UNC13C: variants seen among roughly 807,000 people sequenced by gnomAD.
UNC13C encodes the protein unc-13 homolog C.
Under a neutral mutation model 245.4 loss-of-function variants are expected in UNC13C, and 174 were observed. The ratio of observed to expected loss-of-function variants is 0.71; its 90% CI spans 0.63 to 0.80. The LOEUF is 0.80. Among genes scored for constraint, UNC13C ranks in the 30% least tolerant of loss-of-function variants. The pLI, the probability that UNC13C is intolerant of heterozygous loss-of-function variation, is 0.00. For missense variants in UNC13C, 2,829 were observed against 2,602.9 expected, an observed-to-expected ratio of 1.09 and a Z score of -1.89; for synonymous variants, 992 against 895.1, an observed-to-expected ratio of 1.11 and a Z score of -1.93.
intron 2 of UNC13C, among the ~76,000 whole-genome samples, chr15:54,053,834 C>T (rs1326915543): frequency 6.6e-6 from 1 of 152,122 alleles, no homozygotes; most frequent in Non-Finnish European, 1.5e-5. Flanking sequence ...TACTCTCTAT[C>T]TCCATGCGTT....
intron 2 of UNC13C, among the ~76,000 whole-genome samples, chr15:54,018,125 C>T (rs1249461188): frequency 6.6e-6 from 1 of 152,116 alleles, no homozygotes; most frequent in Non-Finnish European, 1.5e-5. Context: ...GAAGGACAGC[C>T]AAAGAAGGAC....
At chr15:54,456,646 A>G (rs955614049) in intron 19 of UNC13C, among the ~76,000 whole-genome samples, 2 of 149,196 alleles carry the variant, frequency 1.3e-5, no homozygotes, top group African/African-American at 4.9e-5. Flanking sequence ...AGTTGTTGCA[A>G]AAGGGTTTGA....
At chr15:54,547,064 C>T (rs950236192) in intron 27 of UNC13C, among the ~76,000 whole-genome samples, 1 of 152,156 alleles carries the variant, frequency 6.6e-6, no homozygotes, top group African/African-American at 2.4e-5. Flanking sequence ...ACAGTCAGAA[C>T]TTAACCTCTT....
At chr15:54,275,477 A>G (rs189673622) in intron 10 of UNC13C, among the ~76,000 whole-genome samples, 166 of 152,184 alleles carry the variant, frequency 1.1e-3, no homozygotes, top group African/African-American at 3.8e-3. Context: ...TTATAATTGT[A>G]TATGATATAG....
chr15:54,591,530 G>T (rs2141255581), intron 30 of UNC13C, among the ~76,000 whole-genome samples: 1 of 152,044 alleles, frequency 6.6e-6, no homozygotes, highest in South Asian at 2.1e-4. Flanking sequence ...GTTGTATTTT[G>T]CCAGGAATTT....
intron 19 of UNC13C, among the ~76,000 whole-genome samples, chr15:54,434,192 A>C (rs1419274929): frequency 1.3e-5 from 2 of 152,092 alleles, no homozygotes; most frequent in Non-Finnish European, 2.9e-5. Flanking sequence ...TATCCCCATC[A>C]GCTACCATTG....
rs567545855 is a variant in UNC13C, at chr15:54,219,399, T to G, written c.3072-15631T>G. 2.6e-4 allele frequency among the ~76,000 whole-genome samples: 40 copies of G among 152,258 alleles called. No homozygotes were observed. The South Asian group carries it at 4.8e-3, about 18-fold the overall frequency. On this transcript the variant is annotated intron_variant, in intron 4 of 32. Transcript: ENST00000260323. ...GCTGGGAAAACTGGCCAGCCATATG[T>G]AGAAAGCTGAAACTGGATCCCTTTC...
chr15:54,385,342 A>T (rs1450756425), intron 17 of UNC13C, among the ~76,000 whole-genome samples: 1 of 152,158 alleles, frequency 6.6e-6, no homozygotes, highest in Non-Finnish European at 1.5e-5. Context: ...GTATATATTC[A>T]TAATAGAATA....
intron 17 of UNC13C, among the ~76,000 whole-genome samples, chr15:54,351,058 T>C: frequency 6.6e-6 from 1 of 152,218 alleles, no homozygotes; most frequent in Non-Finnish European, 1.5e-5. Flanking sequence ...AATCTGTTAG[T>C]TTTAAAATAT....
intron 1 of UNC13C, among the ~76,000 whole-genome samples, chr15:54,007,462 G>C (rs571355990): frequency 2.6e-5 from 4 of 152,272 alleles, no homozygotes; most frequent in African/African-American, 9.6e-5. Context: ...TCTTTGCAGG[G>C]ACATGGATGA....
rs550340660 is a variant in UNC13C, at chr15:54,557,839, C to T, written c.5958+2327C>T. Among the ~76,000 whole-genome samples the T allele has an allele frequency of 2.0e-5, 3 of 152,058 alleles. No homozygotes were observed. In the South Asian group the frequency reaches 6.2e-4, roughly 32 times the overall value. The stretch of plus-strand genomic sequence containing the variant: ...TTATGTACGTGCATCATTTCACCTG[C>T]CTTGTAAATATCCTGGGTGTTAGAT... On this transcript the variant is annotated intron_variant, in intron 29 of 32. Coordinates refer to ENST00000260323, the MANE Select transcript of UNC13C (RefSeq NM_001080534.3).
the UNC13C span, among the ~76,000 whole-genome samples, chr15:53,946,680 T>G: frequency 3.3e-5 from 5 of 149,918 alleles, no homozygotes; most frequent in South Asian, 2.1e-4. Flanking sequence ...GAGGTTTTTT[T>G]TTTTTTTTTT....
At chr15:54,307,121 T>C (rs1462801954) in intron 13 of UNC13C, among the ~76,000 whole-genome samples, 1 of 152,026 alleles carries the variant, frequency 6.6e-6, no homozygotes, top group African/African-American at 2.4e-5. Flanking sequence ...TGAGGACTTA[T>C]ATAGAATGTC....
rs2033502656 is a variant in UNC13C, at chr15:54,173,681, C to G, written c.3071+29997C>G. Among the ~76,000 whole-genome samples the G allele has an allele frequency of 2.0e-5, 3 of 151,970 alleles. No homozygotes were observed. In the East Asian group the frequency reaches 5.8e-4, roughly 29 times the overall value. On this transcript the variant is annotated intron_variant, in intron 4 of 32. Transcript: ENST00000260323. ...AAATACAGTTTCATTACTTCCTTTC[C>G]AAAGTGTATGGGTTTTACTGTTTCT...
At chr15:54,369,328 A>G (rs370609063) in intron 17 of UNC13C, among the ~76,000 whole-genome samples, 5 of 152,244 alleles carry the variant, frequency 3.3e-5, no homozygotes, top group African/African-American at 9.6e-5. Flanking sequence ...CAACAAAAGC[A>G]TTGCCTTTGC....
intron 2 of UNC13C, among the ~76,000 whole-genome samples, chr15:54,133,365 T>C (rs1254414206): frequency 1.3e-5 from 2 of 152,184 alleles, no homozygotes; most frequent in African/African-American, 4.8e-5. Context: ...TTTGGTTTTA[T>C]AGGTCACCAT....
At chr15:54,134,661 A>G (rs1192921884) in intron 2 of UNC13C, among the ~76,000 whole-genome samples, 2 of 151,780 alleles carry the variant, frequency 1.3e-5, no homozygotes, top group African/African-American at 2.4e-5. Flanking sequence ...CTGAGACTAC[A>G]GGCGCCAGCC....
rs73417711 is a variant in UNC13C, at chr15:54,359,723, C to A, written c.4713+21234C>A. Among the ~76,000 whole-genome samples the A allele has an allele frequency of 8.0e-3, 1,207 of 151,822 alleles. 11 individuals are homozygous for A. Among genetic ancestry groups the A allele is most frequent in the African/African-American group, 0.028 (1,153 of 41,482 alleles). On this transcript the variant is annotated intron_variant, in intron 17 of 32. Transcript: ENST00000260323. ...TCTCCTTTTATCATCTCTAATTATG[C>A]TTATTTGAGTCTTCTCTCTTTTGTA...
chr15:54,181,624 G>A (rs759187277), intron 4 of UNC13C, among the ~76,000 whole-genome samples: 1 of 151,760 alleles, frequency 6.6e-6, no homozygotes, highest in Non-Finnish European at 1.5e-5. Flanking sequence ...TGAATCTGTA[G>A]ATTGCTTTGG....
Sources: gnomAD v4.1 joint callset for allele counts (sites outside exome capture counted in the v4.1 genomes callset) on GRCh38, gnomAD v4.1.1 for gene constraint, MANE v1.5 for transcripts, NCBI Gene and HGNC (gene_info 2026-07-23, HGNC 2026-07-21) for gene names.